The following ZNF678 variants were observed in gnomAD, a reference collection of about 807,000 sequenced individuals.
ZNF678 encodes the protein zinc finger protein 678.
In ZNF678, 5 loss-of-function variants were observed where a neutral mutation model predicts 3.0. The observed-to-expected ratio is 1.69, with a 90% CI of 0.88 to 3.56. The LOEUF is 3.56. Among genes scored for constraint, ZNF678 ranks in the 30% most tolerant of loss-of-function variants. The pLI is 0.00. For synonymous variants in ZNF678, 218 were observed against 199.6 expected, an observed-to-expected ratio of 1.09 and a Z score of -0.78; for missense variants, 593 against 605.0, an observed-to-expected ratio of 0.98 and a Z score of 0.21.
intron 1 of ZNF678, among the ~76,000 whole-genome samples, chr1:227,646,036 A>C (rs1658947672): frequency 6.6e-6 from 1 of 152,216 alleles, no homozygotes; most frequent in South Asian, 2.1e-4. Flanking sequence ...AACTGAGATA[A>C]AAGCCCTGCC....
intron 5 of ZNF678, among the ~76,000 whole-genome samples, chr1:227,671,879 C>T (rs967343770): frequency 2.6e-5 from 4 of 152,120 alleles, no homozygotes; most frequent in African/African-American, 9.7e-5. Context: ...AAAGCATATC[C>T]TTTTTTTAAA....
At chr1:227,675,639 T>G (rs76538149) in intron 5 of ZNF678, among the ~76,000 whole-genome samples, 1 of 139,848 alleles carries the variant, frequency 7.2e-6, no homozygotes, top group African/African-American at 2.8e-5. Context: ...TTAAAATACA[T>G]TTTTTTTTTT....
At chr1:227,577,195 A>G (rs922741131) in intron 1 of ZNF678, among the ~76,000 whole-genome samples, 2 of 152,186 alleles carry the variant, frequency 1.3e-5, no homozygotes, top group Non-Finnish European at 2.9e-5. Context: ...CCATGTGGCT[A>G]TGAGAAGAAT....
intron 1 of ZNF678, among the ~76,000 whole-genome samples, chr1:227,637,352 G>A (rs968169607): frequency 2.6e-5 from 4 of 152,190 alleles, no homozygotes; most frequent in Non-Finnish European, 4.4e-5. Flanking sequence ...ACATTGCGGT[G>A]AGCTAGCATG....
At chr1:227,654,246 G>A (rs1191665667) in intron 3 of ZNF678, 90 bp from the exon 4 acceptor site, 2 of 1,024,758 alleles carry the variant, frequency 2.0e-6, no homozygotes, top group South Asian at 2.6e-5. Context: ...TCTTGTTAAT[G>A]TCTCTGATAT....
Position 227,654,739 on chromosome 1 carries a change from T to C in ZNF678, c.489T>C (p.Asn163=), listed in dbSNP as rs1659176889. ...GTGACGAATGTGGCAAAGTTTTTAATTGGTGGTCACAACTAACTAACCATA... is the reference window on the plus strand; with the variant it reads ...GTGACGAATGTGGCAAAGTTTTTAACTGGTGGTCACAACTAACTAACCATA... ...YKCDECGKVF[N]WWSQLTNHKK... Residue 163 remains asparagine, a synonymous_variant, in exon 4 of 4, where the codon AAT becomes AAC. Coordinates refer to ENST00000343776, the MANE Select transcript of ZNF678 (RefSeq NM_001367909.1). The C allele has an allele frequency of 3.1e-6, 5 of 1,612,272 alleles. No homozygotes were observed. The highest frequency in any genetic ancestry group is 3.4e-6 in the Non-Finnish European group (4 of 1,179,026).
At chr1:227,617,818 G>A (rs1658178425) in intron 1 of ZNF678, among the ~76,000 whole-genome samples, 1 of 152,144 alleles carries the variant, frequency 6.6e-6, no homozygotes. Flanking sequence ...TTCTATGTCA[G>A]TGTGAACCAA....
chr1:227,565,054 CTTTTTT>C (rs56226010), intron 1 of ZNF678, among the ~76,000 whole-genome samples: 1 of 32,730 alleles, frequency 3.1e-5, no homozygotes, highest in African/African-American at 1.2e-4. Flanking sequence ...CCCTACCCGG[CTTTTTT>C]TTTTTTTTTT....
chr1:227,615,988 G>C (rs1342657091), intron 1 of ZNF678, among the ~76,000 whole-genome samples: 1 of 152,072 alleles, frequency 6.6e-6, no homozygotes, highest in East Asian at 1.9e-4. Context: ...ATGCAGTTCA[G>C]TCCCCACCAG....
chr1:227,630,414 T>C (rs982760648), intron 1 of ZNF678, among the ~76,000 whole-genome samples: 6 of 152,228 alleles, frequency 3.9e-5, no homozygotes, highest in Admixed American at 3.9e-4. Context: ...TGTCATCCTG[T>C]CATTGACCTG....
intron 1 of ZNF678, among the ~76,000 whole-genome samples, chr1:227,570,081 T>C (rs1176163462): frequency 6.6e-6 from 1 of 152,236 alleles, no homozygotes; most frequent in Non-Finnish European, 1.5e-5. Context: ...TTGTGAGTCC[T>C]ATCATGTTTT....
downstream of ZNF678, among the ~76,000 whole-genome samples, chr1:227,678,262 G>A (rs1316738345): frequency 6.6e-6 from 1 of 152,184 alleles, no homozygotes; most frequent in Admixed American, 6.5e-5. Context: ...CTTGGGCACA[G>A]GTGGTTCCAT....
chr1:227,646,494 T>C (rs924633749), intron 1 of ZNF678, 50 bp from the exon 2 acceptor site: 4 of 1,347,134 alleles, frequency 3.0e-6, no homozygotes, highest in Non-Finnish European at 4.0e-6. Flanking sequence ...AATTAAGAAC[T>C]CTGCCCATGG....
At chr1:227,663,548 A>T (rs1486446710), downstream of ZNF678, among the ~76,000 whole-genome samples, 1 of 152,174 alleles carries the variant, frequency 6.6e-6, no homozygotes, top group Non-Finnish European at 1.5e-5. Context: ...CCCTCATAAA[A>T]ATACTCGTGT....
At chr1:227,601,613 G>T (rs899699408) in intron 1 of ZNF678, among the ~76,000 whole-genome samples, 12 of 151,784 alleles carry the variant, frequency 7.9e-5, no homozygotes, top group Admixed American at 5.9e-4. Flanking sequence ...TGGCCAGGCT[G>T]AAGTGCAGTG....
At chr1:227,669,317 C>T (rs1201915472) in intron 5 of ZNF678, among the ~76,000 whole-genome samples, 2 of 152,072 alleles carry the variant, frequency 1.3e-5, no homozygotes, top group Non-Finnish European at 2.9e-5. Context: ...AAAAAATACT[C>T]ATCACAAATC....
Position 227,633,167 on chromosome 1 carries a change from A to G in ZNF678, c.-163-13377A>G, listed in dbSNP as rs142725712. The stretch of plus-strand genomic sequence containing the variant: ...CATTGGTGGGCCTGGCATGGCGGCA[A>G]TCAGCAATGGTGGACAGCAAGTGAA... On this transcript the variant is annotated intron_variant, in intron 1 of 3. Transcript: ENST00000343776. 1.2e-4 allele frequency among the ~76,000 whole-genome samples: 18 copies of G among 152,304 alleles called. No homozygotes were observed. The East Asian group carries it at 1.4e-3, about 11-fold the overall frequency.
rs114878669 is a variant in ZNF678 at position 227,618,647 on chromosome 1, T to C, written c.-163-27897T>C. On this transcript the variant is annotated intron_variant, in intron 1 of 3. Coordinates refer to ENST00000343776, the MANE Select transcript of ZNF678 (RefSeq NM_001367909.1). Reference sequence around the variant, plus strand: ...TCTTAAGAAGCAAAAATGGAGAGTATGTGTCTGGCTTTTTGCTAGGTAAAA... The same window carrying C: ...TCTTAAGAAGCAAAAATGGAGAGTACGTGTCTGGCTTTTTGCTAGGTAAAA... Among the ~76,000 whole-genome samples, 805 of 152,306 alleles carry C rather than the reference T, an allele frequency of 5.3e-3. 8 individuals are homozygous for C. Among genetic ancestry groups the C allele is most frequent in the African/African-American group, 0.019 (776 of 41,584 alleles).
At chr1:227,640,637 CTA>C (rs1421274464) in intron 1 of ZNF678, among the ~76,000 whole-genome samples, 25 of 152,292 alleles carry the variant, frequency 1.6e-4, no homozygotes, top group Admixed American at 2.6e-4. Flanking sequence ...GTCGAATGTT[CTA>C]TTTGTGGGCC....
Sources: gnomAD v4.1 joint callset for allele counts (sites outside exome capture counted in the v4.1 genomes callset) on GRCh38, gnomAD v4.1.1 for gene constraint, MANE v1.5 for transcripts, NCBI Gene and HGNC (gene_info 2026-07-23, HGNC 2026-07-21) for gene names.